The following CACNA2D3 variants were observed in gnomAD, a reference collection of about 807,000 sequenced individuals.
The protein encoded by CACNA2D3 is calcium voltage-gated channel auxiliary subunit alpha2delta 3, also known as voltage-dependent calcium channel subunit alpha-2/delta-3.
CACNA2D3 carries 60 observed loss-of-function variants against 160.6 expected under a neutral mutation model. The ratio of observed to expected loss-of-function variants is 0.37; its 90% CI spans 0.30 to 0.46. CACNA2D3 has a LOEUF of 0.46. Among genes scored for constraint, CACNA2D3 ranks in the 20% least tolerant of loss-of-function variants. CACNA2D3 has a pLI of 1.00. For synonymous variants in CACNA2D3, 558 were observed against 492.9 expected (o/e 1.13, Z -1.75); for missense variants, 1,205 against 1,365.0 (o/e 0.88, Z 1.85).
intron 2 of CACNA2D3, among the ~76,000 whole-genome samples, chr3:54,194,011 G>A (rs1701027361): frequency 1.3e-5 from 2 of 152,124 alleles, no homozygotes; most frequent in African/African-American, 2.4e-5. Context: ...ATATGTGGAA[G>A]CTAAAAACAA....
chr3:54,967,026 C>T (rs1021007519), intron 27 of CACNA2D3: 1 of 152,312 alleles, frequency 6.6e-6, no homozygotes. Context: ...GTCCAGAGAA[C>T]GAAGGACACT....
intron 14 of CACNA2D3, among the ~76,000 whole-genome samples, chr3:54,823,340 A>C (rs1703682489): frequency 1.3e-5 from 2 of 152,174 alleles, no homozygotes. Context: ...ATTCAGGAAA[A>C]AAACAAAGTA....
intron 27 of CACNA2D3, among the ~76,000 whole-genome samples, chr3:54,950,486 T>A (rs754716313): frequency 2.0e-5 from 3 of 152,212 alleles, no homozygotes; most frequent in Non-Finnish European, 2.9e-5. Context: ...GATATAATGC[T>A]GACAATAATT....
chr3:54,278,424 G>C (rs1416789841), intron 2 of CACNA2D3, among the ~76,000 whole-genome samples: 1 of 152,204 alleles, frequency 6.6e-6, no homozygotes, highest in African/African-American at 2.4e-5. Flanking sequence ...GGAAGTCAGT[G>C]TGGTGATTCC....
chr3:54,751,021 C>T (rs921133517), intron 11 of CACNA2D3, among the ~76,000 whole-genome samples: 6 of 152,054 alleles, frequency 3.9e-5, no homozygotes, highest in South Asian at 4.2e-4. Flanking sequence ...CTGCCCACCT[C>T]GGCCTCCCAA....
At chr3:54,441,870 A>G (rs1700150213) in intron 4 of CACNA2D3, among the ~76,000 whole-genome samples, 1 of 152,232 alleles carries the variant, frequency 6.6e-6, no homozygotes, top group African/African-American at 2.4e-5. Flanking sequence ...AATGACACAG[A>G]AACTGTCATA....
At chr3:54,632,178 G>C (rs1382739948) in intron 10 of CACNA2D3, 2 of 152,250 alleles carry the variant, frequency 1.3e-5, no homozygotes, top group African/African-American at 4.8e-5. Flanking sequence ...TACAGCTACA[G>C]ATTGCAGCAG....
At chr3:54,753,612 G>C (rs1701910069) in intron 12 of CACNA2D3, among the ~76,000 whole-genome samples, 1 of 152,168 alleles carries the variant, frequency 6.6e-6, no homozygotes, top group South Asian at 2.1e-4. Context: ...AAGCCACTGA[G>C]ATTTTTAGTT....
chr3:54,844,197 T>C (rs1698883264), intron 16 of CACNA2D3, among the ~76,000 whole-genome samples: 1 of 151,980 alleles, frequency 6.6e-6, no homozygotes, highest in South Asian at 2.1e-4. Flanking sequence ...ACCTGGAAAC[T>C]GAGGGAATAG....
intron 13 of CACNA2D3, among the ~76,000 whole-genome samples, chr3:54,788,244 A>G (rs188183566): frequency 5.3e-5 from 8 of 152,334 alleles, no homozygotes; most frequent in Non-Finnish European, 1.2e-4. Flanking sequence ...AGTGTTGGAC[A>G]TGGTAATCTT....
At chr3:54,623,063 G>C (rs1375006630) in intron 9 of CACNA2D3, among the ~76,000 whole-genome samples, 2 of 152,196 alleles carry the variant, frequency 1.3e-5, no homozygotes, top group Non-Finnish European at 2.9e-5. Context: ...TGGTTTGGTT[G>C]TGGTAATCAT....
At chr3:55,000,641 A>G (rs1011397074) in intron 31 of CACNA2D3, among the ~76,000 whole-genome samples, 4 of 152,228 alleles carry the variant, frequency 2.6e-5, no homozygotes, top group Admixed American at 1.3e-4. Context: ...TTTAGCCCCA[A>G]CATGTAAACT....
intron 11 of CACNA2D3, among the ~76,000 whole-genome samples, chr3:54,727,275 G>A (rs1349820408): frequency 1.3e-5 from 2 of 152,240 alleles, no homozygotes; most frequent in Non-Finnish European, 2.9e-5. Flanking sequence ...GGGAGAGGAT[G>A]TGGAGAAATA....
chr3:54,950,674 A>G (rs75554416), intron 27 of CACNA2D3, among the ~76,000 whole-genome samples: 2,251 of 152,232 alleles, frequency 0.015, 53 homozygotes, highest in African/African-American at 0.05. Context: ...TCTAGGACCC[A>G]GGTTCTCTAC....
At chr3:54,493,144 C>T (rs1701142446) in intron 4 of CACNA2D3, among the ~76,000 whole-genome samples, 1 of 134,920 alleles carries the variant, frequency 7.4e-6, no homozygotes, top group Non-Finnish European at 1.5e-5. Context: ...GTGGCACAAT[C>T]TCGGCTCGCT....
At chr3:54,911,759 A>G (rs913723649) in intron 27 of CACNA2D3, among the ~76,000 whole-genome samples, 3 of 152,166 alleles carry the variant, frequency 2.0e-5, no homozygotes, top group Non-Finnish European at 4.4e-5. Flanking sequence ...ATCATGTTAA[A>G]GATAAGTAAT....
At chr3:55,050,489 G>T (rs1313756425) in intron 35 of CACNA2D3, among the ~76,000 whole-genome samples, 1 of 151,122 alleles carries the variant, frequency 6.6e-6, no homozygotes, top group African/African-American at 2.4e-5. Flanking sequence ...AGTCTGATGG[G>T]CTTCCCTTTG....
At chr3:54,847,174 C>T (rs1698951736) in intron 17 of CACNA2D3, among the ~76,000 whole-genome samples, 1 of 152,226 alleles carries the variant, frequency 6.6e-6, no homozygotes, top group South Asian at 2.1e-4. Context: ...GCATTGGCCA[C>T]AAGTGTGCCA....
intron 2 of CACNA2D3, among the ~76,000 whole-genome samples, chr3:54,265,614 G>A (rs1702490309): frequency 6.8e-6 from 1 of 146,552 alleles, no homozygotes; most frequent in Non-Finnish European, 1.5e-5. Context: ...TATATAGTGT[G>A]TATATATATA....
Sources: allele counts gnomAD v4.1 joint callset (sites outside exome capture counted in the v4.1 genomes callset), GRCh38; gene constraint gnomAD v4.1.1; transcripts MANE v1.5; gene names NCBI Gene and HGNC (gene_info 2026-07-23, HGNC 2026-07-21).